Variants in ABCG8 observed in about 807,000 individuals in gnomAD.
ABCG8 encodes the protein ATP-binding cassette sub-family G member 8.
ABCG8 carries 81 observed loss-of-function variants against 71.3 expected under a neutral mutation model. The observed-to-expected ratio is 1.14, with a 90% CI of 0.95 to 1.37. The LOEUF (loss-of-function observed/expected upper bound fraction) is 1.37, where lower values mean the gene tolerates loss of function less well. Ranked by LOEUF, ABCG8 falls within the 40% of genes most tolerant of loss-of-function variation. The probability of loss-of-function intolerance (pLI) is 0.00; values close to 1 mark genes in which losing one functional copy is unlikely to be tolerated. For synonymous variants in ABCG8, 451 were observed against 354.7 expected (o/e 1.27, Z -3.05); for missense variants, 1,119 against 866.2 (o/e 1.29, Z -3.66).
chr2:43,860,406 T>A (rs1669269309), intron 6 of ABCG8, among the ~76,000 whole-genome samples: 1 of 150,902 alleles, frequency 6.6e-6, no homozygotes, highest in Non-Finnish European at 1.5e-5. Context: ...TTGGTACAGT[T>A]CTCACGATCT....
At chr2:43,863,853 T>C (rs1328133683) in intron 6 of ABCG8, among the ~76,000 whole-genome samples, 2 of 151,648 alleles carry the variant, frequency 1.3e-5, no homozygotes, top group African/African-American at 4.8e-5. Context: ...ACTCTCACTA[T>C]CTGTCTAGGT....
rs770423781 is a variant in ABCG8 at position 43,879,955 on chromosome 2, T to C, written c.*2042T>C. ...GGGTACTTTGAAACTATGTAAATTGTAAACTTTCCATTTATGCATTTTAAA... is the reference window on the plus strand; with the variant it reads ...GGGTACTTTGAAACTATGTAAATTGCAAACTTTCCATTTATGCATTTTAAA... On this transcript the variant is annotated 3_prime_UTR_variant, in exon 13 of 13. Transcript: ENST00000272286. 1 of 152,198 alleles carries C rather than the reference T, an allele frequency of 6.6e-6. No individual in the cohort carries two copies. Among genetic ancestry groups the C allele is most frequent in the Admixed American group, 6.5e-5 (1 of 15,286 alleles). The allele number at this position is 152,198 out of a possible 1,614,324, so 9.4% of individuals were successfully genotyped here.
At chr2:43,875,000 C>T (rs566493748) in intron 10 of ABCG8, 146 bp from the exon 11 acceptor site, 3 of 1,167,820 alleles carry the variant, frequency 2.6e-6, no homozygotes, top group Non-Finnish European at 2.5e-6. Context: ...AGCTCATGCT[C>T]CTGGGTCCCA....
Position 43,882,708 on chromosome 2 carries a change from T to C in ABCG8, c.*4795T>C, listed in dbSNP as rs529453783. On this transcript the variant is annotated 3_prime_UTR_variant, in exon 13 of 13. Transcript: ENST00000272286. The stretch of plus-strand genomic sequence containing the variant: ...CTCTGCCTGAGGCAGCTTCAGCAGG[T>C]AGGCAGGCAGGCAGATGGAGCACAG... 3.3e-4 allele frequency: 51 copies of C among 152,302 alleles called. No individual in the cohort carries two copies. Among genetic ancestry groups the C allele is most frequent in the African/African-American group, 1.2e-3 (50 of 41,572 alleles). 9.4% of individuals were successfully genotyped at this position (152,302 alleles called of 1,614,324 possible).
At chr2:43,863,874 C>G (rs1344127219) in intron 6 of ABCG8, among the ~76,000 whole-genome samples, 1 of 151,642 alleles carries the variant, frequency 6.6e-6, no homozygotes, top group Non-Finnish European at 1.5e-5. Flanking sequence ...AGAATTCTCA[C>G]TCTCTGGATA....
At chr2:43,842,376 T>C (rs1668607338) in intron 1 of ABCG8, among the ~76,000 whole-genome samples, 1 of 152,166 alleles carries the variant, frequency 6.6e-6, no homozygotes, top group Non-Finnish European at 1.5e-5. Context: ...TGAAGCAATG[T>C]GCACAGTGAC....
chr2:43,844,215 C>CTCTG (rs1456567708), intron 1 of ABCG8, among the ~76,000 whole-genome samples: 1 of 152,076 alleles, frequency 6.6e-6, no homozygotes, highest in East Asian at 1.9e-4. Flanking sequence ...GGTCTCTTTA[C>CTCTG]CAGAAGCTGC....
chr2:43,878,036 C>G lies in ABCG8; in HGVS notation c.*123C>G. The G allele has an allele frequency of 6.9e-7, 1 of 1,448,424 alleles. No individual in the cohort carries two copies. The highest frequency in any genetic ancestry group is 9.5e-7 in the Non-Finnish European group (1 of 1,053,178). 89.7% of individuals were successfully genotyped at this position (1,448,424 alleles called of 1,614,324 possible). ...GACCCTACAGATGCTCAGCTACATC[C>G]GGCCCAGGGTGCTGCAGTGGCACAG... is the stretch of plus-strand genomic sequence containing the variant. On this transcript the variant is annotated 3_prime_UTR_variant, in exon 13 of 13. Transcript: ENST00000272286.
chr2:43,870,053 C>T (rs1237038482), intron 6 of ABCG8, among the ~76,000 whole-genome samples: 1 of 151,498 alleles, frequency 6.6e-6, no homozygotes, highest in Non-Finnish European at 1.5e-5. Flanking sequence ...AATTCTTACT[C>T]TTGATAGAAC....
chr2:43,852,059 A>G (rs1417542810), intron 4 of ABCG8, among the ~76,000 whole-genome samples: 4 of 152,150 alleles, frequency 2.6e-5, no homozygotes, highest in African/African-American at 7.2e-5. Flanking sequence ...AAGATGTGGG[A>G]TGAGTGTATT....
Position 43,875,395 on chromosome 2 carries a change from T to G in ABCG8, c.1738T>G (p.Leu580Val). Residue 580 changes from leucine (L) to valine (V), a missense_variant, in exon 11 of 13, where the codon TTG (leucine) becomes GTG (valine). Transcript: ENST00000272286. ...FYLAGGFMIN[L>V]SSLWTVPAWI... Reference sequence around the variant, plus strand: ...CCTCGCCGGGGGCTTCATGATAAACTTGAGCAGCCTGTGGACAGGTAAGGC... The same window carrying G: ...CCTCGCCGGGGGCTTCATGATAAACGTGAGCAGCCTGTGGACAGGTAAGGC... The G allele has an allele frequency of 6.2e-7, 1 of 1,614,056 alleles. No homozygotes were observed. The highest frequency in any genetic ancestry group is 8.5e-7 in the Non-Finnish European group (1 of 1,180,014).
chr2:43,853,890 A>G (rs1382678697), intron 6 of ABCG8, among the ~76,000 whole-genome samples: 1 of 152,044 alleles, frequency 6.6e-6, no homozygotes, highest in African/African-American at 2.4e-5. Context: ...CCCCAGGAGG[A>G]CAGGCCGCCC....
chr2:43,851,818 A>G lies in ABCG8; in HGVS notation c.557A>G (p.Lys186Arg). 1 of 1,614,178 alleles carries G rather than the reference A, an allele frequency of 6.2e-7. No homozygotes were observed. The change falls in exon 4 of 13, where the codon AAA (lysine) becomes AGA (arginine). Residue 186 changes from lysine to arginine, a missense_variant. Physicochemically the swap from Lys to Arg is conservative, Grantham distance 26. Transcript: ENST00000272286. ...PRTFSQAQRD[K>R]RVEDVIAELR... ...ACCTTCTCCCAGGCCCAGCGTGACAAAAGGGTAACTAACTGGCCCCAGTGG... is the reference window on the plus strand; with the variant it reads ...ACCTTCTCCCAGGCCCAGCGTGACAGAAGGGTAACTAACTGGCCCCAGTGG...
Position 43,877,846 on chromosome 2 carries a change from G to T in ABCG8, c.1955G>T (p.Gly652Val), listed in dbSNP as rs1386572924. 2.5e-6 allele frequency: 4 copies of T among 1,613,990 alleles called. No homozygotes were observed. Among genetic ancestry groups the T allele is most frequent in the African/African-American group, 1.3e-5 (1 of 74,884 alleles). The change falls in exon 13 of 13, where the codon GGT (glycine) becomes GTT (valine). Residue 652 changes from glycine (G) to valine (V), a missense_variant. Transcript: ENST00000272286. ...AIYLIVIGLS[G>V]GFMVLYYVSL... ...TACCTCATCGTCATTGGCCTCAGCG[G>T]TGGCTTCATGGTCCTGTACTACGTG... is the stretch of plus-strand genomic sequence containing the variant.
Position 43,877,591 on chromosome 2 carries a change from T to A in ABCG8, c.1787T>A (p.Leu596Gln). ...VPAWISKVSFLRWCFEGLMKI... is the reference protein window; with the variant it reads ...VPAWISKVSFQRWCFEGLMKI... ...GCGTGGATTTCCAAAGTGTCCTTCCTGCGGTGGTGTTTTGAAGGGCTGATG... is the reference window on the plus strand; with the variant it reads ...GCGTGGATTTCCAAAGTGTCCTTCCAGCGGTGGTGTTTTGAAGGGCTGATG... Residue 596 changes from leucine (L) to glutamine (Q), a missense_variant, in exon 12 of 13, where the codon CTG (leucine) becomes CAG (glutamine). By Grantham distance (113) the Leu-to-Gln change is moderately radical. Coordinates refer to ENST00000272286, the MANE Select transcript of ABCG8 (RefSeq NM_022437.3). The A allele has an allele frequency of 6.2e-7, 1 of 1,614,146 alleles. No individual in the cohort carries two copies. Among genetic ancestry groups the A allele is most frequent in the Non-Finnish European group, 8.5e-7 (1 of 1,180,024 alleles).
intron 8 of ABCG8, among the ~76,000 whole-genome samples, chr2:43,873,228 A>C: frequency 2.0e-5 from 3 of 148,252 alleles, no homozygotes; most frequent in African/African-American, 5.0e-5. Context: ...TCTCTCTGTC[A>C]CCCAGGCTGG....
intron 1 of ABCG8, among the ~76,000 whole-genome samples, chr2:43,839,412 T>C (rs1668486351): frequency 1.6e-4 from 3 of 18,970 alleles, no homozygotes; most frequent in Non-Finnish European, 2.9e-4. Flanking sequence ...TCTTTTTTTT[T>C]TTTTTTTTTT....
chr2:43,868,735 T>C (rs1004006885), intron 6 of ABCG8, among the ~76,000 whole-genome samples: 3 of 151,902 alleles, frequency 2.0e-5, no homozygotes, highest in Admixed American at 1.3e-4. Flanking sequence ...CCACTATCGA[T>C]CAGGATAGAA....
chr2:43,871,956 T>A lies in ABCG8; in HGVS notation c.965-20T>A. ...TGCCAGGGAACAGGCCACCTGTGAC[T>A]CCACATCCCCTGCTTGCAGTGGACC... On this transcript the variant is annotated intron_variant, in intron 6 of 12. Transcript: ENST00000272286. The A allele has an allele frequency of 1.9e-6, 3 of 1,613,860 alleles. No individual in the cohort carries two copies. Among genetic ancestry groups the A allele is most frequent in the Non-Finnish European group, 2.5e-6 (3 of 1,180,024 alleles).
Sources: allele counts gnomAD v4.1 joint callset (sites outside exome capture counted in the v4.1 genomes callset), GRCh38; gene constraint gnomAD v4.1.1; transcripts MANE v1.5; gene names NCBI Gene and HGNC (gene_info 2026-07-23, HGNC 2026-07-21).